ERBB4: variants seen among roughly 807,000 people sequenced by gnomAD.
The protein encoded by ERBB4 is erb-b2 receptor tyrosine kinase 4.
ERBB4 carries 42 observed loss-of-function variants against 158.0 expected under a neutral mutation model. That is an observed-to-expected ratio of 0.27 (90% CI 0.21 to 0.34). ERBB4 has a LOEUF of 0.34. Ranked by LOEUF, ERBB4 falls within the 10% of genes least tolerant of loss-of-function variation. ERBB4 has a pLI of 1.00. For missense variants in ERBB4, 1,333 were observed against 1,624.1 expected, an observed-to-expected ratio of 0.82 and a Z score of 3.08; for synonymous variants, 583 against 558.7, an observed-to-expected ratio of 1.04 and a Z score of -0.61.
At chr2:211,874,808 G>GCTAT (rs954660230) in intron 3 of ERBB4, among the ~76,000 whole-genome samples, 2 of 152,032 alleles carry the variant, frequency 1.3e-5, no homozygotes, top group Non-Finnish European at 2.9e-5. Context: ...AAGAAGTTCA[G>GCTAT]CTATGTCCCT....
At position 211,835,320 on chromosome 2, in the gene ERBB4, G is replaced by A. The variant is rs529210426; in HGVS notation, c.422-47161C>T. Among the ~76,000 whole-genome samples the A allele has an allele frequency of 2.0e-4, 19 of 95,214 alleles. No individual in the cohort carries two copies. The South Asian group carries it at 7.5e-3, about 37-fold the overall frequency. The allele number at this position is 95,214 out of a possible 152,430, so 62.5% of individuals were successfully genotyped here. On this transcript the variant is annotated intron_variant, in intron 3 of 27. Coordinates refer to ENST00000342788, the MANE Select transcript of ERBB4 (RefSeq NM_005235.3). Reference sequence around the variant, plus strand: ...TGCATGGCTCCATTGTGATTTCCTGGTTCTCTACCATGCCATTTTTCTGCC... The same window carrying A: ...TGCATGGCTCCATTGTGATTTCCTGATTCTCTACCATGCCATTTTTCTGCC...
In ERBB4 at chr2:211,499,169, C is replaced by A. The variant is rs114755020; in HGVS notation, c.2487+62734G>T. ...TTTTATTAAGTGCTAGGTTCTGGGC[C>A]AGTTGCCTTTTATACTTAAACTCCC... On this transcript the variant is annotated intron_variant, in intron 20 of 27. Transcript: ENST00000342788. Among the ~76,000 whole-genome samples the A allele has an allele frequency of 7.9e-3, 1,198 of 152,156 alleles. 21 individuals are homozygous for A. Among genetic ancestry groups the A allele is most frequent in the African/African-American group, 0.027 (1,138 of 41,530 alleles).
intron 1 of ERBB4, among the ~76,000 whole-genome samples, chr2:212,277,983 G>T (rs757636124): frequency 6.6e-6 from 1 of 151,278 alleles, no homozygotes; most frequent in Non-Finnish European, 1.5e-5. Context: ...TCTTCACTCC[G>T]GACTTCACTG....
chr2:211,563,849 C>T (rs1379265853), intron 19 of ERBB4, among the ~76,000 whole-genome samples: 1 of 152,206 alleles, frequency 6.6e-6, no homozygotes, highest in East Asian at 1.9e-4. Context: ...AATGCACATA[C>T]ACATAGAGGG....
intron 20 of ERBB4, among the ~76,000 whole-genome samples, chr2:211,492,463 C>A (rs969935778): frequency 2.6e-5 from 4 of 152,012 alleles, no homozygotes; most frequent in Admixed American, 6.6e-5. Context: ...AATAATCTAC[C>A]TACCACTGAG....
intron 3 of ERBB4, among the ~76,000 whole-genome samples, chr2:211,875,050 A>AAAAAAAAAAAAAAAAAAAAAAAAAAAAC (rs66500425): frequency 2.6e-5 from 2 of 75,872 alleles, no homozygotes; most frequent in African/African-American, 5.4e-5. Context: ...AAAAAAAAAA[A>AAAAAAAAAAAAAAAAAAAAAAAAAAAAC]CAAACTCAAA....
At chr2:212,365,159 C>T (rs2089839328) in intron 1 of ERBB4, among the ~76,000 whole-genome samples, 2 of 151,392 alleles carry the variant, frequency 1.3e-5, no homozygotes, top group African/African-American at 4.8e-5. Flanking sequence ...TTTAGGAACA[C>T]AAAATAAGGT....
chr2:211,867,160 C>T (rs759097103), intron 3 of ERBB4, among the ~76,000 whole-genome samples: 24 of 151,046 alleles, frequency 1.6e-4, no homozygotes, highest in Admixed American at 2.6e-4. Context: ...ACATTTATTA[C>T]GTATTTGTTT....
chr2:211,436,092 G>T (rs1360087911), intron 20 of ERBB4, among the ~76,000 whole-genome samples: 1 of 152,058 alleles, frequency 6.6e-6, no homozygotes, highest in Non-Finnish European at 1.5e-5. Context: ...AAAGTGTTGG[G>T]ATTACAGGCA....
chr2:212,381,170 A>C (rs1185344500), intron 1 of ERBB4, among the ~76,000 whole-genome samples: 2 of 151,314 alleles, frequency 1.3e-5, no homozygotes, highest in African/African-American at 4.8e-5. Context: ...TCACAGGAAA[A>C]ATGATTCAAA....
intron 3 of ERBB4, among the ~76,000 whole-genome samples, chr2:211,846,052 G>T (rs565370235): frequency 8.2e-5 from 12 of 145,656 alleles, no homozygotes; most frequent in Non-Finnish European, 1.4e-4. Flanking sequence ...GTTAATTGTT[G>T]TTTTTTTTTT....
chr2:212,190,029 T>C (rs759684941), intron 1 of ERBB4, among the ~76,000 whole-genome samples: 1 of 152,216 alleles, frequency 6.6e-6, no homozygotes, highest in Non-Finnish European at 1.5e-5. Flanking sequence ...CCAGACATAA[T>C]GAAATAAAAT....
chr2:212,474,949 C>T (rs1312888404), intron 1 of ERBB4, among the ~76,000 whole-genome samples: 2 of 151,160 alleles, frequency 1.3e-5, no homozygotes, highest in African/African-American at 4.9e-5. Context: ...ACCTCCATGC[C>T]CAGCTATTGG....
chr2:211,840,512 A>G (rs1403368256), intron 3 of ERBB4, among the ~76,000 whole-genome samples: 2 of 152,118 alleles, frequency 1.3e-5, no homozygotes, highest in Non-Finnish European at 2.9e-5. Flanking sequence ...GAGTTGATAG[A>G]TTTATGATCC....
At chr2:212,417,867 A>T (rs1319210533) in intron 1 of ERBB4, among the ~76,000 whole-genome samples, 1 of 152,034 alleles carries the variant, frequency 6.6e-6, no homozygotes, top group African/African-American at 2.4e-5. Context: ...ATATTCATAT[A>T]CTGAAGCTCT....
intron 12 of ERBB4, among the ~76,000 whole-genome samples, chr2:211,700,156 G>A (rs2073180046): frequency 6.6e-6 from 1 of 152,034 alleles, no homozygotes; most frequent in Non-Finnish European, 1.5e-5. Flanking sequence ...CTGATTTAGG[G>A]AAACATTCAT....
intron 1 of ERBB4, among the ~76,000 whole-genome samples, chr2:212,191,896 A>G (rs904664597): frequency 7.2e-6 from 1 of 137,968 alleles, no homozygotes; most frequent in South Asian, 2.2e-4. Flanking sequence ...CATGTTATAT[A>G]TTATATATGA....
intron 20 of ERBB4, among the ~76,000 whole-genome samples, chr2:211,475,768 T>A (rs1273599575): frequency 6.6e-6 from 1 of 152,058 alleles, no homozygotes; most frequent in Non-Finnish European, 1.5e-5. Context: ...CTGAAAAGGA[T>A]GAAGATAATA....
intron 20 of ERBB4, among the ~76,000 whole-genome samples, chr2:211,454,704 CCT>C (rs953349048): frequency 1.3e-5 from 2 of 152,138 alleles, no homozygotes; most frequent in Admixed American, 6.5e-5. Flanking sequence ...TCTCCTATTC[CCT>C]GTTTTAATTG....
Sources: allele counts gnomAD v4.1 joint callset (sites outside exome capture counted in the v4.1 genomes callset), GRCh38; gene constraint gnomAD v4.1.1; transcripts MANE v1.5; gene names NCBI Gene and HGNC (gene_info 2026-07-23, HGNC 2026-07-21).